Variants in MYNN observed in about 807,000 individuals in gnomAD.
MYNN encodes zinc finger and BTB domain-containing protein 31.
A neutral mutation model predicts 57.2 loss-of-function variants in MYNN; 22 were observed. The observed-to-expected ratio is 0.38, with a 90% confidence interval of 0.27 to 0.55. The LOEUF is 0.55. Among genes scored for constraint, MYNN ranks in the 20% least tolerant of loss-of-function variants. The probability of loss-of-function intolerance (pLI) is 0.71; values close to 1 mark genes in which losing one functional copy is unlikely to be tolerated. For missense variants in MYNN, 566 were observed against 723.1 expected, an observed-to-expected ratio of 0.78 and a Z score of 2.49; for synonymous variants, 241 against 257.1, an observed-to-expected ratio of 0.94 and a Z score of 0.60.
rs1333192131 is a variant in MYNN, at chr3:169,787,971, T to C, written c.*1293T>C. The C allele has an allele frequency of 6.6e-6, 1 of 152,082 alleles. No homozygotes were observed. Among genetic ancestry groups the C allele is most frequent in the Non-Finnish European group, 1.5e-5 (1 of 67,970 alleles). The allele number at this position is 152,082 out of a possible 1,614,324, so 9.4% of individuals were successfully genotyped here. A position where few individuals can be genotyped will look rare whatever the true frequency, so the allele number is the denominator to read the frequency against. The stretch of plus-strand genomic sequence containing the variant: ...AGCATGGTGATATTCTTTTTCTTTT[T>C]TTTTCCCCCCACAAGGCTGTTGTTC... On this transcript the variant is annotated 3_prime_UTR_variant, in exon 8 of 8. Transcript: ENST00000349841.
In MYNN at chr3:169,786,654, G is replaced by A; in HGVS notation, c.1809G>A (p.Leu603=). ...TGAATGGGTATTCAGAACCACAGTT[G>A]ATTTTTTTACAACAATTATACTGAC... ...STVNGYSEPQ[L]IFLQQLY The change falls in exon 8 of 8, where the codon TTG becomes TTA. Residue 603 remains leucine (L), a synonymous_variant. Coordinates refer to ENST00000349841, the MANE Select transcript of MYNN (RefSeq NM_018657.5). 1.9e-6 allele frequency: 3 copies of A among 1,612,852 alleles called. No individual in the cohort carries two copies. In the South Asian group the frequency reaches 3.3e-5, roughly 18 times the overall value.
Position 169,779,102 on chromosome 3 carries a change from A to AGTGACATCTTAGAGAAT in MYNN, c.603_619dup (p.Ala207ValfsTer4), listed in dbSNP as rs1778436390. ...GCAGAATAAAACAGTGCAATATCCC[A>AGTGACATCTTAGAGAAT]GTGACATCTTAGAGAATGCATCTGT... On this transcript the variant is annotated frameshift_variant, in exon 3 of 8. Coordinates refer to ENST00000349841, the MANE Select transcript of MYNN (RefSeq NM_018657.5). LOFTEE classifies it high-confidence loss of function. 6 of 1,614,088 alleles carry AGTGACATCTTAGAGAAT rather than the reference A, an allele frequency of 3.7e-6. No individual in the cohort carries two copies. The highest frequency in any genetic ancestry group is 5.1e-6 in the Non-Finnish European group (6 of 1,180,026).
rs1405422213 is a variant in MYNN at position 169,786,507 on chromosome 3, T to C, written c.1662T>C (p.Asp554=). 6.2e-7 allele frequency: 1 copy of C among 1,613,596 alleles called. No homozygotes were observed. Among genetic ancestry groups the C allele is most frequent in the African/African-American group, 1.3e-5 (1 of 74,910 alleles). ...IQKSPLSETM[D]VKPSDMTLPL... The stretch of plus-strand genomic sequence containing the variant: ...AAAGTCCTTTATCAGAAACTATGGA[T>C]GTGAAGCCTTCTGATATGACTTTAC... Residue 554 remains aspartate, a synonymous_variant, in exon 8 of 8, where the codon GAT becomes GAC. Coordinates refer to ENST00000349841, the MANE Select transcript of MYNN (RefSeq NM_018657.5).
chr3:169,775,714 C>A (rs1577393006), intron 2 of MYNN, among the ~76,000 whole-genome samples: 1 of 152,174 alleles, frequency 6.6e-6, no homozygotes, highest in Non-Finnish European at 1.5e-5. Context: ...AAAAGAAACA[C>A]CTGAAATACT....
chr3:169,775,197 A>G (rs1383979737), intron 2 of MYNN, among the ~76,000 whole-genome samples: 1 of 152,210 alleles, frequency 6.6e-6, no homozygotes, highest in East Asian at 1.9e-4. Flanking sequence ...CAGAGATGCT[A>G]GAATGATTCT....
At chr3:169,778,718 A>G (rs774359542) in intron 2 of MYNN, 50 bp from the exon 3 acceptor site, 1 of 1,479,732 alleles carries the variant, frequency 6.8e-7, no homozygotes, top group Non-Finnish European at 9.1e-7. Context: ...CTCTGTTTCG[A>G]AAGTTTTTCT....
At chr3:169,780,366 G>T in intron 3 of MYNN, 1 of 371,762 alleles carries the variant, frequency 2.7e-6, no homozygotes, top group South Asian at 6.0e-5. Flanking sequence ...CCCTAGATTC[G>T]TACTTTTTAA....
At position 169,778,920 on chromosome 3, in the gene MYNN, A is replaced by C. The variant is rs1778429538; in HGVS notation, c.419A>C (p.Gln140Pro). The C allele has an allele frequency of 6.2e-7, 1 of 1,613,964 alleles. No individual in the cohort carries two copies. The highest frequency in any genetic ancestry group is 1.3e-5 in the African/African-American group (1 of 74,944). ...SSITGNIELNQQTCLLTLRDY... is the reference protein window; with the variant it reads ...SSITGNIELNPQTCLLTLRDY... ...ATTACTGGAAACATTGAATTGAATC[A>C]ACAGACTTGTCTTCTTACTCTGCGA... The change falls in exon 3 of 8, where the codon CAA becomes CCA. Residue 140 changes from glutamine (Q) to proline (P), a missense_variant. This residue lies in a region of MYNN where 261 missense variants were observed against 280.8 expected (regional missense o/e 0.93). Coordinates refer to ENST00000349841, the MANE Select transcript of MYNN (RefSeq NM_018657.5).
Position 169,779,030 on chromosome 3 carries a change from T to C in MYNN, c.529T>C (p.Ser177Pro), listed in dbSNP as rs1242858317. The C allele has an allele frequency of 6.2e-7, 1 of 1,613,900 alleles. No individual in the cohort carries two copies. Among genetic ancestry groups the C allele is most frequent in the East Asian group, 2.2e-5 (1 of 44,900 alleles). The change falls in exon 3 of 8, where the codon TCT (serine) becomes CCT (proline). Residue 177 changes from serine to proline, a missense_variant. By Grantham distance (74) the Ser-to-Pro change is moderately conservative. Transcript: ENST00000349841. ...ACAAGGCGCGTTAGCGAAAAAGTCA[T>C]CTCAAACGAAAAAGAAGAAGAAGGC... ...PKQGALAKKS[S>P]QTKKKKKAFN...
Position 169,784,928 on chromosome 3 carries a change from A to C in MYNN, c.1570+220A>C, listed in dbSNP as rs374715098. Among the ~76,000 whole-genome samples, 5 of 151,580 alleles carry C rather than the reference A, an allele frequency of 3.3e-5. No individual in the cohort carries two copies. The South Asian group carries it at 1.0e-3, about 32-fold the overall frequency. On this transcript the variant is annotated intron_variant, in intron 7 of 7. Coordinates refer to ENST00000349841, the MANE Select transcript of MYNN (RefSeq NM_018657.5). The stretch of plus-strand genomic sequence containing the variant: ...TCTCTTATTTAAAAAAAAAAAAAAA[A>C]AACTTGAAACATTTCCTCCTTTGAA...
chr3:169,783,817 G>A (rs1427248799), intron 6 of MYNN: 17 of 521,616 alleles, frequency 3.3e-5, no homozygotes, highest in Non-Finnish European at 5.7e-5. Flanking sequence ...TAAATGATTT[G>A]GATTAAATTG....
At chr3:169,773,903 A>G (rs1043263122) in intron 1 of MYNN, 4 of 178,388 alleles carry the variant, frequency 2.2e-5, no homozygotes, top group Non-Finnish European at 4.8e-5. Context: ...TTCTGCCCCT[A>G]TCTGTCCCAA....
At chr3:169,785,921 C>A (rs547636306) in intron 7 of MYNN, among the ~76,000 whole-genome samples, 13 of 152,174 alleles carry the variant, frequency 8.5e-5, no homozygotes, top group Non-Finnish European at 1.3e-4. Context: ...GCCATACATA[C>A]TGTTCTGAAC....
At position 169,784,727 on chromosome 3, in the gene MYNN, TTTGC is replaced by T; in HGVS notation, c.1570+23_1570+26del. ...CATTCTGGTAAATGCTTGTGTTTTG[TTTGC>T]TTGTTTGTTTGTTTTAATTTGGTGC... is the stretch of plus-strand genomic sequence containing the variant. On this transcript the variant is annotated intron_variant, in intron 7 of 7. Transcript: ENST00000349841. The T allele has an allele frequency of 1.4e-6, 2 of 1,474,300 alleles. No homozygotes were observed. Among genetic ancestry groups the T allele is most frequent in the Non-Finnish European group, 1.9e-6 (2 of 1,078,052 alleles). The allele number at this position is 1,474,300 out of a possible 1,614,324, so 91.3% of individuals were successfully genotyped here.
rs2108195852 is a variant in MYNN at position 169,774,526 on chromosome 3, G to A, written c.231G>A (p.Leu77=). The A allele has an allele frequency of 2.5e-6, 4 of 1,613,886 alleles. No homozygotes were observed. The East Asian group carries it at 6.7e-5, about 27-fold the overall frequency. ...QVKADGFQKL[L]EFIYTGTLNL... ...AGGCTGATGGATTTCAGAAACTGTT[G>A]GAGTTTATATACACAGGAACTTTAA... The change falls in exon 2 of 8, where the codon TTG becomes TTA. Residue 77 remains leucine, a synonymous_variant. Transcript: ENST00000349841.
At chr3:169,783,707 T>G (rs1048999655) in intron 6 of MYNN, 147 bp downstream of exon 6, 60 of 717,674 alleles carry the variant, frequency 8.4e-5, no homozygotes, top group Non-Finnish European at 1.5e-4. Context: ...TCAACTTATT[T>G]GCTTATTTTG....
Position 169,786,669 on chromosome 3 carries a change from A to G in MYNN, c.1824A>G (p.Gln608=), listed in dbSNP as rs545408721. The G allele has an allele frequency of 2.5e-6, 4 of 1,611,990 alleles. No individual in the cohort carries two copies. The highest frequency in any genetic ancestry group is 2.2e-5 in the South Asian group (2 of 91,008). ...YSEPQLIFLQ[Q]LY ...AACCACAGTTGATTTTTTTACAACA[A>G]TTATACTGACTTTGTAAGGAATATG... The change falls in exon 8 of 8, where the codon CAA becomes CAG. Residue 608 remains glutamine, a synonymous_variant. Coordinates refer to ENST00000349841, the MANE Select transcript of MYNN (RefSeq NM_018657.5).
chr3:169,779,573 G>A lies in MYNN; in HGVS notation c.1060+12G>A, dbSNP rs1043375216. ...AAGAACTCATACAGGTGAGACGGGT[G>A]TGTGGGGAGATATTATTTTTATACT... On this transcript the variant is annotated intron_variant, in intron 3 of 7. Coordinates refer to ENST00000349841, the MANE Select transcript of MYNN (RefSeq NM_018657.5). 1.9e-6 allele frequency: 3 copies of A among 1,606,648 alleles called. No individual in the cohort carries two copies. The highest frequency in any genetic ancestry group is 1.3e-5 in the African/African-American group (1 of 74,612).
At chr3:169,783,894 C>T in intron 6 of MYNN, 2 of 314,160 alleles carry the variant, frequency 6.4e-6, no homozygotes, top group South Asian at 5.8e-5. Context: ...TCTTACTAAA[C>T]AGTGTTTAGT....
Sources: allele counts gnomAD v4.1 joint callset (sites outside exome capture counted in the v4.1 genomes callset), GRCh38; gene constraint gnomAD v4.1.1; regional missense constraint gnomAD v4.1.1; transcripts MANE v1.5; gene names NCBI Gene and HGNC (gene_info 2026-07-23, HGNC 2026-07-21).